PIEZO2: variants seen among roughly 807,000 people sequenced by gnomAD.
PIEZO2 encodes piezo-type mechanosensitive ion channel component 2.
A neutral mutation model predicts 337.3 loss-of-function variants in PIEZO2; 172 were observed. The ratio of observed to expected loss-of-function variants is 0.51; its 90% CI spans 0.45 to 0.58. The LOEUF (loss-of-function observed/expected upper bound fraction) is 0.58, where lower values mean the gene tolerates loss of function less well. Ranked by LOEUF, PIEZO2 falls within the 20% of genes least tolerant of loss-of-function variation. PIEZO2 has a pLI of 0.00. For synonymous variants in PIEZO2, 1,251 were observed against 1,228.5 expected (o/e 1.02, Z -0.38); for missense variants, 3,028 against 3,391.3 (o/e 0.89, Z 2.66).
chr18:10,893,594 A>G (rs1047667851), intron 4 of PIEZO2: 1 of 152,212 alleles, frequency 6.6e-6, no homozygotes, highest in Non-Finnish European at 1.5e-5. Context: ...TCTATTTCAG[A>G]TGGGTGAGCA....
At chr18:10,825,013 G>A (rs953970701) in intron 7 of PIEZO2, among the ~76,000 whole-genome samples, 6 of 152,182 alleles carry the variant, frequency 3.9e-5, no homozygotes, top group Middle Eastern at 3.4e-3. Flanking sequence ...ACAGGAACCC[G>A]CCACCATGCC....
chr18:10,828,184 T>C lies in PIEZO2; in HGVS notation c.918-20910A>G, dbSNP rs1486896262. Among the ~76,000 whole-genome samples the C allele has an allele frequency of 6.6e-6, 1 of 151,310 alleles. No individual in the cohort carries two copies. Among genetic ancestry groups the C allele is most frequent in the Non-Finnish European group, 1.5e-5 (1 of 67,902 alleles). On this transcript the variant is annotated intron_variant, in intron 7 of 55. Transcript: ENST00000674853. This position sits in a 1 kb window ranked among gnomAD's most constrained non-coding sequence, Gnocchi z 4.1. ...GTAAAACCAATCCTGTATGTAGTCA[T>C]AAGTATCACTTAGCTTCAAAGTTCA...
At position 10,747,551 on chromosome 18, in the gene PIEZO2, C is replaced by T. The variant is rs984571216; in HGVS notation, c.4424+920G>A. ...TATAACAATGAATTCCGGAGCAGTG[C>T]GGTACATAAAGTCATTGTCATCCAC... On this transcript the variant is annotated intron_variant, in intron 30 of 55. Coordinates refer to ENST00000674853, the MANE Select transcript of PIEZO2 (RefSeq NM_001378183.1). 6.1e-4 allele frequency among the ~76,000 whole-genome samples: 93 copies of T among 152,268 alleles called. 1 individual carries two copies. Among genetic ancestry groups the T allele is most frequent in the African/African-American group, 2.0e-3 (85 of 41,532 alleles).
chr18:11,023,023 G>A (rs1191169662), intron 2 of PIEZO2, among the ~76,000 whole-genome samples: 2 of 152,092 alleles, frequency 1.3e-5, no homozygotes, highest in African/African-American at 4.8e-5. Context: ...CCTCCCAGTG[G>A]GTTCGTGGTC....
At chr18:10,919,506 G>A (rs188066962) in intron 3 of PIEZO2, among the ~76,000 whole-genome samples, 1 of 152,136 alleles carries the variant, frequency 6.6e-6, no homozygotes, top group East Asian at 1.9e-4. Context: ...CATGTGTTAT[G>A]CCCTCATTTT....
In PIEZO2 at chr18:10,794,967, G is replaced by A. The variant is rs1277708375; in HGVS notation, c.1563C>T (p.Phe521=). 9.0e-6 allele frequency: 14 copies of A among 1,547,870 alleles called. No homozygotes were observed. The highest frequency in any genetic ancestry group is 6.8e-5 in the African/African-American group (5 of 73,052). Reference sequence around the variant, plus strand: ...GAGTGCACGACCAGATCAGCAGCACGAAGGTCAGCCAGCTGTGATAGGTGA... The same window carrying A: ...GAGTGCACGACCAGATCAGCAGCACAAAGGTCAGCCAGCTGTGATAGGTGA... ...WSITYHSWLT[F]VLLIWSCTLW... is the part of the protein sequence containing the mutation. Residue 521 remains phenylalanine (F), a synonymous_variant, in exon 13 of 56, where the codon TTC becomes TTT. Coordinates refer to ENST00000674853, the MANE Select transcript of PIEZO2 (RefSeq NM_001378183.1). This position sits in a 1 kb window ranked among gnomAD's most constrained non-coding sequence, Gnocchi z 6.6.
At chr18:10,908,601 G>C (rs1272341200) in intron 4 of PIEZO2, 1 of 152,220 alleles carries the variant, frequency 6.6e-6, no homozygotes, top group Non-Finnish European at 1.5e-5. Context: ...TATCTGTCCT[G>C]TATTTGAAGG....
intron 1 of PIEZO2, among the ~76,000 whole-genome samples, chr18:11,100,006 C>T (rs2039365853): frequency 6.6e-6 from 1 of 151,946 alleles, no homozygotes; most frequent in Non-Finnish European, 1.5e-5. Flanking sequence ...AGTCTTTTGT[C>T]ATAAAAAACT....
chr18:10,931,545 G>T (rs1294763047), intron 3 of PIEZO2, among the ~76,000 whole-genome samples: 4 of 152,124 alleles, frequency 2.6e-5, no homozygotes, highest in Admixed American at 2.6e-4. Context: ...TACTTTCAAA[G>T]GATTTTTCCT....
intron 7 of PIEZO2, among the ~76,000 whole-genome samples, chr18:10,827,981 T>C (rs1385961870): frequency 6.6e-6 from 1 of 152,184 alleles, no homozygotes; most frequent in African/African-American, 2.4e-5. Flanking sequence ...TTAAATCTCA[T>C]GGACAAAAGT....
At chr18:10,744,615 G>T (rs2037352209) in intron 30 of PIEZO2, among the ~76,000 whole-genome samples, 1 of 152,178 alleles carries the variant, frequency 6.6e-6, no homozygotes. Context: ...TTTGCAAAAA[G>T]GGTACAGTCA....
chr18:11,107,799 A>G (rs1003472712), intron 1 of PIEZO2, among the ~76,000 whole-genome samples: 3 of 152,250 alleles, frequency 2.0e-5, no homozygotes, highest in Non-Finnish European at 2.9e-5. Context: ...ATGAAAGCTA[A>G]TAGTGAAGCC....
intron 36 of PIEZO2, among the ~76,000 whole-genome samples, chr18:10,725,704 T>A (rs1282617068): frequency 6.6e-6 from 1 of 152,170 alleles, no homozygotes. Flanking sequence ...TTTTTCTCTC[T>A]CCACTTCCTC....
In PIEZO2 at chr18:11,018,092, G is replaced by C. The variant is rs992973181; in HGVS notation, c.161-38432C>G. 1.1e-4 allele frequency among the ~76,000 whole-genome samples: 16 copies of C among 152,062 alleles called. 1 individual carries two copies. Among genetic ancestry groups the C allele is most frequent in the Admixed American group, 3.3e-4 (5 of 15,268 alleles). ...TGCTCCCCGAGAAGGCTTTAGTGTA[G>C]AATTGTTCCCTGCCCCTTCCAGCTT... On this transcript the variant is annotated intron_variant, in intron 2 of 55. Coordinates refer to ENST00000674853, the MANE Select transcript of PIEZO2 (RefSeq NM_001378183.1).
chr18:10,748,722 A>G lies in PIEZO2; in HGVS notation c.4265-92T>C. On this transcript the variant is annotated intron_variant, in intron 29 of 55. Coordinates refer to ENST00000674853, the MANE Select transcript of PIEZO2 (RefSeq NM_001378183.1). This position sits in a 1 kb window ranked among gnomAD's most constrained non-coding sequence, Gnocchi z 5.1. Reference sequence around the variant, plus strand: ...TGAGGTATGGTCAGGCTTGGGAAATATAGGCATAAAAGCAGCATTCTGATG... The same window carrying G: ...TGAGGTATGGTCAGGCTTGGGAAATGTAGGCATAAAAGCAGCATTCTGATG... The G allele has an allele frequency of 8.3e-7, 1 of 1,210,658 alleles. No homozygotes were observed. Among genetic ancestry groups the G allele is most frequent in the Non-Finnish European group, 1.1e-6 (1 of 904,592 alleles). 75.0% of individuals were successfully genotyped at this position (1,210,658 alleles called of 1,614,324 possible). A position where few individuals can be genotyped will look rare whatever the true frequency, so the allele number is the denominator to read the frequency against.
chr18:11,091,159 G>A (rs866155964), intron 1 of PIEZO2, among the ~76,000 whole-genome samples: 1 of 152,036 alleles, frequency 6.6e-6, no homozygotes, highest in South Asian at 2.1e-4. Context: ...GCCAAGGTGG[G>A]CGGATCACGA....
At chr18:10,701,876 T>C (rs2143743097) in intron 43 of PIEZO2, 113 bp downstream of exon 43, 1 of 825,538 alleles carries the variant, frequency 1.2e-6, no homozygotes, top group Non-Finnish European at 1.7e-6. Flanking sequence ...TACCACTCAC[T>C]GGCCCCTCAG....
intron 4 of PIEZO2, among the ~76,000 whole-genome samples, chr18:10,910,152 C>CT (rs1469999656): frequency 1.1e-4 from 16 of 152,284 alleles, no homozygotes; most frequent in Admixed American, 3.3e-4. Context: ...CCTACTGTGA[C>CT]AGTAAAATGA....
rs2040756635 is a variant in PIEZO2 at position 10,828,848 on chromosome 18, G to A, written c.918-21574C>T. Among the ~76,000 whole-genome samples, 1 of 152,116 alleles carries A rather than the reference G, an allele frequency of 6.6e-6. No individual in the cohort carries two copies. Among genetic ancestry groups the A allele is most frequent in the South Asian group, 2.1e-4 (1 of 4,822 alleles). ...GTCTGGTGGATGCTTCTTGATGATT[G>A]CATGAGTTCAATGTATGCTGAGATT... is the stretch of plus-strand genomic sequence containing the variant. On this transcript the variant is annotated intron_variant, in intron 7 of 55. Coordinates refer to ENST00000674853, the MANE Select transcript of PIEZO2 (RefSeq NM_001378183.1). This position sits in a 1 kb window ranked among gnomAD's most constrained non-coding sequence, Gnocchi z 4.1.
Sources: allele counts gnomAD v4.1 joint callset (sites outside exome capture counted in the v4.1 genomes callset), GRCh38; gene constraint gnomAD v4.1.1; non-coding constraint Gnocchi (gnomAD v3.1); transcripts MANE v1.5; gene names NCBI Gene and HGNC (gene_info 2026-07-23, HGNC 2026-07-21).